The following CHST10 variants were observed in gnomAD, a reference collection of about 807,000 sequenced individuals.
The protein encoded by CHST10 is HNK-1 sulfotransferase.
A neutral mutation model predicts 34.7 loss-of-function variants in CHST10; 24 were observed. That is an observed-to-expected ratio of 0.69 (90% CI 0.50 to 0.97). The LOEUF (loss-of-function observed/expected upper bound fraction) is 0.97. Ranked by LOEUF, CHST10 falls within the 50% of genes least tolerant of loss-of-function variation. The pLI is 0.00. For missense variants in CHST10, 402 were observed against 452.1 expected (o/e 0.89, Z 1.00); for synonymous variants, 161 against 169.3 (o/e 0.95, Z 0.38).
At position 100,393,305 on chromosome 2, in the gene CHST10, G is replaced by C. The variant is rs1170414392; in HGVS notation, c.1011C>G (p.Ala337=). ...AGAGCTTAAAGTCCCCTTCGAAACG[G>C]GCATACAGGCGTCGGATGTCTCGTT... ...ISKRDIRRLY[A]RFEGDFKLFG... The change falls in exon 7 of 7, where the codon GCC becomes GCG. Residue 337 remains alanine (A), a synonymous_variant. Transcript: ENST00000264249. 1.2e-6 allele frequency: 2 copies of C among 1,614,142 alleles called. No individual in the cohort carries two copies. The highest frequency in any genetic ancestry group is 1.7e-5 in the Admixed American group (1 of 60,020).
intron 6 of CHST10, among the ~76,000 whole-genome samples, chr2:100,394,437 C>T (rs528499405): frequency 1.3e-5 from 2 of 152,138 alleles, no homozygotes; most frequent in African/African-American, 2.4e-5. Context: ...TGTGCTTTGC[C>T]GTGTCTTCAC....
intron 4 of CHST10, 36 bp downstream of exon 4, chr2:100,402,528 T>A: frequency 6.3e-7 from 1 of 1,583,878 alleles, no homozygotes; most frequent in Non-Finnish European, 8.7e-7. Flanking sequence ...GGTGCCGTGT[T>A]CAAGAGGACA....
At chr2:100,396,215 A>T (rs886280884) in intron 5 of CHST10, among the ~76,000 whole-genome samples, 2 of 152,202 alleles carry the variant, frequency 1.3e-5, no homozygotes, top group Admixed American at 6.5e-5. Context: ...GAGCTGTGAT[A>T]CATTTGAGAC....
chr2:100,404,801 T>G (rs1675499789), intron 3 of CHST10, among the ~76,000 whole-genome samples: 1 of 152,254 alleles, frequency 6.6e-6, no homozygotes, highest in African/African-American at 2.4e-5. Context: ...TCCTACTTTT[T>G]TAAGCAAAAT....
chr2:100,399,190 G>A (rs900631433), intron 4 of CHST10, among the ~76,000 whole-genome samples: 38 of 150,446 alleles, frequency 2.5e-4, no homozygotes, highest in African/African-American at 7.6e-4. Context: ...TGCAAGCTCC[G>A]CCTCCCGGGT....
chr2:100,412,086 T>C (rs949684790), intron 2 of CHST10, among the ~76,000 whole-genome samples: 4 of 152,342 alleles, frequency 2.6e-5, no homozygotes, highest in Middle Eastern at 3.4e-3. Context: ...GGTGATGTCA[T>C]GATCTGATTT....
chr2:100,415,133 A>C (rs1676013418), intron 1 of CHST10, 22 bp from the exon 2 acceptor site: 1 of 1,264,298 alleles, frequency 7.9e-7, no homozygotes, highest in Admixed American at 2.6e-5. Flanking sequence ...AATTAAAAAA[A>C]AAAAAGCATT....
At chr2:100,414,971 G>C in intron 2 of CHST10, 70 bp downstream of exon 2, 2 of 1,120,844 alleles carry the variant, frequency 1.8e-6, no homozygotes, top group Non-Finnish European at 1.2e-6. Flanking sequence ...GCACAGGCAA[G>C]AAAAAAGGCA....
At chr2:100,415,192 A>C in intron 1 of CHST10, 81 bp from the exon 2 acceptor site, 1 of 824,154 alleles carries the variant, frequency 1.2e-6, no homozygotes, top group Non-Finnish European at 1.7e-6. Context: ...GTTTATACTT[A>C]GGAAGGAAAT....
intron 1 of CHST10, chr2:100,416,994 C>A (rs1489893002): frequency 7.7e-7 from 1 of 1,304,204 alleles, no homozygotes; most frequent in East Asian, 5.6e-5. Flanking sequence ...CGCACCGAAG[C>A]TGCACATGCT....
intron 2 of CHST10, among the ~76,000 whole-genome samples, chr2:100,412,887 T>C (rs1675904313): frequency 2.0e-5 from 3 of 152,334 alleles, no homozygotes; most frequent in Admixed American, 6.5e-5. Context: ...CTAGACTCTG[T>C]AGAATCAGGC....
chr2:100,414,300 A>T (rs1401751544), intron 2 of CHST10, among the ~76,000 whole-genome samples: 1 of 152,126 alleles, frequency 6.6e-6, no homozygotes, highest in Non-Finnish European at 1.5e-5. Context: ...CCTCATACAC[A>T]TACCAGGGAT....
intron 4 of CHST10, among the ~76,000 whole-genome samples, chr2:100,401,978 C>T (rs1160928420): frequency 1.3e-5 from 2 of 152,144 alleles, no homozygotes; most frequent in East Asian, 1.9e-4. Flanking sequence ...GAGTGCACCC[C>T]TCATCCCAGC....
rs745740361 is a variant in CHST10 at position 100,415,126 on chromosome 2, T to TAA, written c.-103-17_-103-16dup. The stretch of plus-strand genomic sequence containing the variant: ...TCCTCTTGTCACTGGATAGGAAAAT[T>TAA]AAAAAAAAAAAAGCATTATTAAAAG... On this transcript the variant is annotated splice_polypyrimidine_tract_variant and intron_variant, in intron 1 of 6. Transcript: ENST00000264249. 1.0e-4 allele frequency: 106 copies of TAA among 1,009,544 alleles called. No individual in the cohort carries two copies. Among genetic ancestry groups the TAA allele is most frequent in the Admixed American group, 2.8e-4 (9 of 31,840 alleles). 62.5% of individuals were successfully genotyped at this position (1,009,544 alleles called of 1,614,324 possible).
At chr2:100,417,102 G>A (rs1026410388) in intron 1 of CHST10, 18 of 1,277,448 alleles carry the variant, frequency 1.4e-5, no homozygotes, top group Non-Finnish European at 1.9e-5. Flanking sequence ...CTCAGCCAAG[G>A]ATGAAAGAAG....
chr2:100,393,368 G>A lies in CHST10; in HGVS notation c.948C>T (p.Asn316=). Residue 316 remains asparagine (N), a synonymous_variant, in exon 7 of 7, where the codon AAC becomes AAT. Coordinates refer to ENST00000264249, the MANE Select transcript of CHST10 (RefSeq NM_004854.5). ...GGAAATAGTGCTCCACCTTGGTTCTGTTATACACGGTAATGCCCGGAGGGA... is the reference window on the plus strand; with the variant it reads ...GGAAATAGTGCTCCACCTTGGTTCTATTATACACGGTAATGCCCGGAGGGA... ...PTIPPGITVY[N]RTKVEHYFLG... 6.2e-7 allele frequency: 1 copy of A among 1,614,172 alleles called. No homozygotes were observed. Among genetic ancestry groups the A allele is most frequent in the Non-Finnish European group, 8.5e-7 (1 of 1,180,034 alleles).
At chr2:100,409,498 G>C (rs1027327871) in intron 2 of CHST10, among the ~76,000 whole-genome samples, 6 of 152,098 alleles carry the variant, frequency 3.9e-5, no homozygotes, top group Non-Finnish European at 7.4e-5. Flanking sequence ...TTTCAGCTGG[G>C]CGGGGGGTCA....
Position 100,393,758 on chromosome 2 carries a change from A to G in CHST10, c.558T>C (p.Phe186=). ...QKRLKTYFKF[F]IVRDPFERLI... ...GTCTTTCGAAGGGATCTCTTACAAT[A>G]AAAAACTTGAAGTATGTTTTCAATC... Residue 186 remains phenylalanine, a synonymous_variant, in exon 7 of 7, where the codon TTT becomes TTC. Coordinates refer to ENST00000264249, the MANE Select transcript of CHST10 (RefSeq NM_004854.5). 3 of 1,609,390 alleles carry G rather than the reference A, an allele frequency of 1.9e-6. No individual in the cohort carries two copies. Among genetic ancestry groups the G allele is most frequent in the Non-Finnish European group, 2.5e-6 (3 of 1,178,970 alleles).
chr2:100,393,095 T>C lies in CHST10; in HGVS notation c.*150A>G, dbSNP rs1674869301. 3 of 745,882 alleles carry C rather than the reference T, an allele frequency of 4.0e-6. No individual in the cohort carries two copies. The highest frequency in any genetic ancestry group is 3.5e-4 in the Middle Eastern group (1 of 2,838). The allele number at this position is 745,882 out of a possible 1,614,324, so 46.2% of individuals were successfully genotyped here. ...AAGTTGTAACAGTTGGGGTTCTGCG[T>C]CATATGCCGAGGCAACTCACAGGCC... On this transcript the variant is annotated 3_prime_UTR_variant, in exon 7 of 7. Coordinates refer to ENST00000264249, the MANE Select transcript of CHST10 (RefSeq NM_004854.5).
Sources: gnomAD v4.1 joint callset for allele counts (sites outside exome capture counted in the v4.1 genomes callset) on GRCh38, gnomAD v4.1.1 for gene constraint, MANE v1.5 for transcripts, NCBI Gene and HGNC (gene_info 2026-07-23, HGNC 2026-07-21) for gene names.